Variants in VRK2 observed in about 807,000 individuals in gnomAD.
VRK2 encodes the protein serine/threonine-protein kinase VRK2.
Under a neutral mutation model 57.6 loss-of-function variants are expected in VRK2, and 60 were observed. The observed-to-expected ratio is 1.04, with a 90% CI of 0.85 to 1.29. The LOEUF (loss-of-function observed/expected upper bound fraction) is 1.29. Among genes scored for constraint, VRK2 ranks in the 50% most tolerant of loss-of-function variants. The pLI, the probability that VRK2 is intolerant of heterozygous loss-of-function variation, is 0.00. For missense variants in VRK2, 705 were observed against 588.1 expected, an observed-to-expected ratio of 1.20 and a Z score of -2.06; for synonymous variants, 231 against 199.2, an observed-to-expected ratio of 1.16 and a Z score of -1.35.
At chr2:57,992,633 T>C (rs1352407207) in intron 1 of VRK2, among the ~76,000 whole-genome samples, 3 of 151,984 alleles carry the variant, frequency 2.0e-5, no homozygotes, top group African/African-American at 4.8e-5. Context: ...GCTTCCCGGG[T>C]TCACGCCATT....
chr2:58,117,674 A>C (rs1260272165), intron 7 of VRK2, among the ~76,000 whole-genome samples: 1 of 152,078 alleles, frequency 6.6e-6, no homozygotes, highest in East Asian at 1.9e-4. Context: ...AATTATTTAG[A>C]TCTTGTAGGA....
chr2:58,000,763 G>C (rs1370523257), intron 1 of VRK2, among the ~76,000 whole-genome samples: 2 of 152,110 alleles, frequency 1.3e-5, no homozygotes, highest in African/African-American at 4.8e-5. Context: ...ATTTGCAATA[G>C]CAATATATCT....
At chr2:58,000,088 T>C (rs1455322955) in intron 1 of VRK2, among the ~76,000 whole-genome samples, 4 of 152,150 alleles carry the variant, frequency 2.6e-5, no homozygotes, top group Non-Finnish European at 2.9e-5. Flanking sequence ...CACTAGCTTT[T>C]CCCCCATGCA....
chr2:58,134,009 C>G (rs1679600611), intron 9 of VRK2, among the ~76,000 whole-genome samples: 1 of 152,048 alleles, frequency 6.6e-6, no homozygotes, highest in Non-Finnish European at 1.5e-5. Context: ...GAGCAATACC[C>G]CAAAGTGTGA....
At chr2:58,075,068 C>T (rs1260386320) in intron 2 of VRK2, among the ~76,000 whole-genome samples, 2 of 151,966 alleles carry the variant, frequency 1.3e-5, no homozygotes, top group African/African-American at 2.4e-5. Context: ...AAGTAGGCGC[C>T]GTTGTCTTTT....
chr2:57,943,525 C>A lies in VRK2; in HGVS notation c.-439+35686C>A, dbSNP rs79661802. Among the ~76,000 whole-genome samples the A allele has an allele frequency of 5.3e-3, 810 of 152,238 alleles. 2 individuals are homozygous for A. Among genetic ancestry groups the A allele is most frequent in the South Asian group, 0.01 (50 of 4,820 alleles). On this transcript the variant is annotated intron_variant, in intron 1 of 15. Coordinates refer to the VRK2 transcript ENST00000417641. ...TGATAATGGAACTTCTGGCACTTCC[C>A]TAAGGACAAAGTTTGCCACTGATAC...
At chr2:57,938,303 T>C (rs1670982608) in intron 1 of VRK2, among the ~76,000 whole-genome samples, 1 of 152,194 alleles carries the variant, frequency 6.6e-6, no homozygotes, top group South Asian at 2.1e-4. Flanking sequence ...TGTTAACAAA[T>C]ATTTACTGAG....
At chr2:57,908,279 T>C (rs1444247812) in intron 1 of VRK2, among the ~76,000 whole-genome samples, 1 of 152,190 alleles carries the variant, frequency 6.6e-6, no homozygotes, top group Non-Finnish European at 1.5e-5. Context: ...GCTTTGCCTC[T>C]TACAATTTGC....
chr2:58,008,568 G>T (rs1459045679), intron 1 of VRK2, among the ~76,000 whole-genome samples: 8 of 151,066 alleles, frequency 5.3e-5, no homozygotes, highest in Admixed American at 5.3e-4. Context: ...AGGAAGGAAG[G>T]AAACTAACAA....
chr2:57,931,132 G>A (rs540871738), intron 1 of VRK2, among the ~76,000 whole-genome samples: 4 of 152,202 alleles, frequency 2.6e-5, no homozygotes, highest in South Asian at 4.1e-4. Context: ...TTTCAGGATA[G>A]TGATTTTTTT....
At chr2:58,128,873 G>A (rs1459863564) in intron 8 of VRK2, among the ~76,000 whole-genome samples, 1 of 152,094 alleles carries the variant, frequency 6.6e-6, no homozygotes, top group Admixed American at 6.5e-5. Flanking sequence ...CACATCAATT[G>A]TTTTTATTTT....
chr2:58,108,259 C>T (rs1237473076), intron 7 of VRK2, among the ~76,000 whole-genome samples: 15 of 152,130 alleles, frequency 9.9e-5, no homozygotes, highest in Admixed American at 7.2e-4. Context: ...TCCAGTAACT[C>T]GTGGATCTCT....
chr2:58,117,887 G>A (rs1676767175), intron 7 of VRK2, among the ~76,000 whole-genome samples: 1 of 152,118 alleles, frequency 6.6e-6, no homozygotes, highest in Non-Finnish European at 1.5e-5. Flanking sequence ...AAGGAGGCAA[G>A]CCCAGAGAAA....
chr2:57,946,280 C>T (rs1671257907), intron 1 of VRK2, among the ~76,000 whole-genome samples: 1 of 151,564 alleles, frequency 6.6e-6, no homozygotes, highest in South Asian at 2.1e-4. Flanking sequence ...AAAAAATCAG[C>T]TATGAGAAGC....
chr2:57,959,711 A>G (rs982553351), intron 1 of VRK2, among the ~76,000 whole-genome samples: 11 of 152,180 alleles, frequency 7.2e-5, no homozygotes, highest in Admixed American at 3.9e-4. Flanking sequence ...TGGAAAATAC[A>G]ATTTATCCAG....
At chr2:57,935,877 A>G (rs1314970548) in intron 1 of VRK2, among the ~76,000 whole-genome samples, 1 of 152,188 alleles carries the variant, frequency 6.6e-6, no homozygotes, top group African/African-American at 2.4e-5. Flanking sequence ...GATAAAGTGA[A>G]ACTGTTTTAT....
rs1302565081 is a variant in VRK2, at chr2:58,124,923, T to C, written c.676+1690T>C. Among the ~76,000 whole-genome samples, 3 of 152,288 alleles carry C rather than the reference T, an allele frequency of 2.0e-5. No individual in the cohort carries two copies. In the East Asian group the frequency reaches 5.8e-4, roughly 29 times the overall value. On this transcript the variant is annotated intron_variant, in intron 8 of 12. Transcript: ENST00000340157. Reference sequence around the variant, plus strand: ...TTGTGTGATTTTTCAGTATTCATATTGTTAATAAATTAGTGAGAATTTAAA... The same window carrying C: ...TTGTGTGATTTTTCAGTATTCATATCGTTAATAAATTAGTGAGAATTTAAA...
chr2:58,106,148 T>C (rs764889307), intron 7 of VRK2, among the ~76,000 whole-genome samples: 9 of 151,948 alleles, frequency 5.9e-5, no homozygotes, highest in East Asian at 3.9e-4. Flanking sequence ...CTTGATTAGA[T>C]TGGAAATTGA....
intron 4 of VRK2, 160 bp from the exon 5 acceptor site, chr2:58,086,179 A>C: frequency 1.8e-6 from 1 of 542,172 alleles, no homozygotes; most frequent in Non-Finnish European, 3.2e-6. Context: ...TAGTGGTAAC[A>C]GTTTGAGGCC....
Sources: gnomAD v4.1 joint callset for allele counts (sites outside exome capture counted in the v4.1 genomes callset) on GRCh38, gnomAD v4.1.1 for gene constraint, MANE v1.5 for transcripts, NCBI Gene and HGNC (gene_info 2026-07-23, HGNC 2026-07-21) for gene names.